Variants in NCOA6 observed in about 807,000 individuals in gnomAD.
NCOA6 encodes the protein NRC RAP250.
Under a neutral mutation model 171.4 loss-of-function variants are expected in NCOA6, and 49 were observed. That is an observed-to-expected ratio of 0.29 (90% CI 0.23 to 0.36). NCOA6 has a LOEUF of 0.36. NCOA6 is among the 10% of genes least tolerant of loss of function. NCOA6 has a pLI of 1.00. For missense variants in NCOA6, 2,248 were observed against 2,554.5 expected (o/e 0.88, Z 2.59); for synonymous variants, 910 against 927.5 (o/e 0.98, Z 0.34).
chr20:34,720,175 A>G (rs1271579592), intron 14 of NCOA6, among the ~76,000 whole-genome samples: 2 of 152,234 alleles, frequency 1.3e-5, no homozygotes, highest in African/African-American at 2.4e-5. Context: ...ACTATTCTAA[A>G]TGGAGGAGTA....
intron 3 of NCOA6, among the ~76,000 whole-genome samples, chr20:34,781,678 G>A (rs1308037908): frequency 6.6e-6 from 1 of 152,192 alleles, no homozygotes; most frequent in Non-Finnish European, 1.5e-5. Flanking sequence ...ACTGGATCCA[G>A]CAAGCTGTTA....
chr20:34,797,826 G>A (rs546737687), intron 1 of NCOA6, among the ~76,000 whole-genome samples: 21 of 152,056 alleles, frequency 1.4e-4, no homozygotes, highest in Non-Finnish European at 2.5e-4. Context: ...CCTGGGAGGC[G>A]GCAGCTGCAG....
At chr20:34,721,783 T>C (rs565043593) in intron 14 of NCOA6, among the ~76,000 whole-genome samples, 44 of 152,160 alleles carry the variant, frequency 2.9e-4, no homozygotes, top group Admixed American at 2.6e-3. Flanking sequence ...TATCAGGGCA[T>C]AGTGGCTCAC....
chr20:34,760,150 G>T (rs1166902604), intron 5 of NCOA6, among the ~76,000 whole-genome samples: 1 of 152,134 alleles, frequency 6.6e-6, no homozygotes, highest in Non-Finnish European at 1.5e-5. Flanking sequence ...GGTGGCAAGC[G>T]CCTGGATTCC....
At chr20:34,815,213 C>CAAA (rs1555859856) in intron 1 of NCOA6, among the ~76,000 whole-genome samples, 34 of 140,600 alleles carry the variant, frequency 2.4e-4, no homozygotes, top group African/African-American at 6.8e-4. Flanking sequence ...TTCTCTACCC[C>CAAA]AAAAAAAAAA....
intron 14 of NCOA6, among the ~76,000 whole-genome samples, chr20:34,716,723 G>A (rs1907720546): frequency 6.6e-6 from 1 of 151,442 alleles, no homozygotes; most frequent in South Asian, 2.1e-4. Context: ...CTATGTTCAT[G>A]CCACTGTACT....
chr20:34,737,361 AC>A (rs143731057), intron 11 of NCOA6, among the ~76,000 whole-genome samples: 4,378 of 152,350 alleles, frequency 0.029, 223 homozygotes, highest in African/African-American at 0.1. Flanking sequence ...TGTGCCAGGT[AC>A]CCTGAGAGAC....
In NCOA6 at chr20:34,741,004, G is replaced by A. The variant is rs1256075841; in HGVS notation, c.5252C>T (p.Ser1751Phe). 1.9e-6 allele frequency: 3 copies of A among 1,614,236 alleles called. No homozygotes were observed. Among genetic ancestry groups the A allele is most frequent in the Non-Finnish European group, 2.5e-6 (3 of 1,180,034 alleles). Reference protein sequence around the residue: ...VQLPSPPCTSSPVVPSHPPVQ... With the variant: ...VQLPSPPCTSFPVVPSHPPVQ... ...AGGGGGATGAGAAGGGACAACTGGA[G>A]AAGACGTACAAGGAGGGGAAGGAAG... The change falls in exon 11 of 15, where the codon TCT becomes TTT. Residue 1751 changes from serine (S) to phenylalanine (F), a missense_variant. Transcript: ENST00000359003.
intron 3 of NCOA6, among the ~76,000 whole-genome samples, chr20:34,779,102 A>G (rs6058117): frequency 0.84 from 128,218 of 152,106 alleles, 54,238 homozygotes; most frequent in Admixed American, 0.91. Flanking sequence ...TTTATGTTAC[A>G]TGTATTATAC....
At chr20:34,783,519 T>C (rs1323933313) in intron 2 of NCOA6, among the ~76,000 whole-genome samples, 3 of 152,194 alleles carry the variant, frequency 2.0e-5, no homozygotes, top group Admixed American at 6.5e-5. Context: ...TGAATGAACA[T>C]TAATTTTCAG....
In NCOA6 at chr20:34,795,524, C is replaced by T. The variant is rs148418555; in HGVS notation, c.-163-2961G>A. Among the ~76,000 whole-genome samples, 540 of 152,250 alleles carry T rather than the reference C, an allele frequency of 3.5e-3. 3 individuals are homozygous for T. Among genetic ancestry groups the T allele is most frequent in the African/African-American group, 0.012 (519 of 41,538 alleles). ...AGCAACAAGAAAAATCACAAGAAAA[C>T]GTAATCTGACAGAACTAGAATATGG... On this transcript the variant is annotated intron_variant, in intron 1 of 14. Coordinates refer to ENST00000359003, the MANE Select transcript of NCOA6 (RefSeq NM_014071.5).
intron 8 of NCOA6, among the ~76,000 whole-genome samples, chr20:34,752,847 G>C (rs2076529515): frequency 6.7e-6 from 1 of 149,984 alleles, no homozygotes; most frequent in Admixed American, 6.6e-5. Flanking sequence ...CTGGGAGGCA[G>C]AGGCCGCAGT....
At chr20:34,732,702 T>TG in intron 12 of NCOA6, 107 bp from the exon 13 acceptor site, 1 of 896,602 alleles carries the variant, frequency 1.1e-6, no homozygotes, top group Non-Finnish European at 1.7e-6. Flanking sequence ...AGTGTCCCTG[T>TG]GCCCAGCAGG....
chr20:34,739,772 A>C (rs1448772465), intron 11 of NCOA6, among the ~76,000 whole-genome samples: 1 of 152,262 alleles, frequency 6.6e-6, no homozygotes, highest in Non-Finnish European at 1.5e-5. Flanking sequence ...ATGCAAGACA[A>C]CATATGTAAA....
chr20:34,727,554 A>AGTGCTTATTACCCC, intron 13 of NCOA6, 147 bp from the exon 14 acceptor site: 2 of 781,948 alleles, frequency 2.6e-6, no homozygotes, highest in Non-Finnish European at 4.0e-6. Flanking sequence ...CTGGGGTAAT[A>AGTGCTTATTACCCC]AGCACTATTG....
chr20:34,796,622 A>T (rs2078085236), intron 1 of NCOA6, among the ~76,000 whole-genome samples: 1 of 152,100 alleles, frequency 6.6e-6, no homozygotes, highest in Non-Finnish European at 1.5e-5. Context: ...AGACCAGCCC[A>T]GGCAACACAG....
chr20:34,805,043 CTTTT>C (rs202086666), intron 1 of NCOA6, among the ~76,000 whole-genome samples: 1 of 142,066 alleles, frequency 7.0e-6, no homozygotes, highest in Non-Finnish European at 1.5e-5. Context: ...TTCTTATACC[CTTTT>C]TTTTTTTTTT....
chr20:34,716,596 A>G (rs1314799780), intron 14 of NCOA6, among the ~76,000 whole-genome samples: 4 of 152,098 alleles, frequency 2.6e-5, no homozygotes, highest in Non-Finnish European at 5.9e-5. Context: ...TACAAAAAGA[A>G]AAGAATTAGC....
chr20:34,799,156 A>T lies in NCOA6; in HGVS notation c.-163-6593T>A, dbSNP rs550430957. Among the ~76,000 whole-genome samples the T allele has an allele frequency of 9.8e-4, 150 of 152,286 alleles. 2 individuals are homozygous for T. Among genetic ancestry groups the T allele is most frequent in the South Asian group, 3.5e-3 (17 of 4,826 alleles). The stretch of plus-strand genomic sequence containing the variant: ...ATTTAACAAAGGGACTGAAATAATT[A>T]AAAAAATCAAGCAGAAATTCTGGAT... On this transcript the variant is annotated intron_variant, in intron 1 of 14. Transcript: ENST00000359003.
Sources: allele counts gnomAD v4.1 joint callset (sites outside exome capture counted in the v4.1 genomes callset), GRCh38; gene constraint gnomAD v4.1.1; transcripts MANE v1.5; gene names NCBI Gene and HGNC (gene_info 2026-07-23, HGNC 2026-07-21).